KANK1: variants seen among roughly 807,000 people sequenced by gnomAD.
KANK1 encodes KN motif and ankyrin repeat domains 1.
KANK1 carries 109 observed loss-of-function variants against 106.2 expected under a neutral mutation model. That is an observed-to-expected ratio of 1.03 (90% confidence interval 0.88 to 1.20). KANK1 has a LOEUF of 1.20. Among genes scored for constraint, KANK1 ranks in the 50% most tolerant of loss-of-function variants. KANK1 has a pLI of 0.00. For synonymous variants in KANK1, 873 were observed against 652.2 expected, an observed-to-expected ratio of 1.34 and a Z score of -5.16; for missense variants, 2,399 against 1,710.7, an observed-to-expected ratio of 1.40 and a Z score of -7.10.
intron 10 of KANK1, 94 bp from the exon 11 acceptor site, chr9:744,397 G>A: frequency 7.1e-7 from 1 of 1,412,676 alleles, no homozygotes. Context: ...GGGGAACCTT[G>A]CCAATTATTG....
chr9:639,515 C>T (rs887683703), intron 1 of KANK1, among the ~76,000 whole-genome samples: 1 of 151,980 alleles, frequency 6.6e-6, no homozygotes, highest in Admixed American at 6.6e-5. Context: ...CAGGGTTTCA[C>T]CATGTTGGCC....
rs144580853 is a variant in KANK1 at position 712,123 on chromosome 9, A to G, written c.1357A>G (p.Lys453Glu). The G allele has an allele frequency of 1.3e-4, 209 of 1,614,038 alleles. No homozygotes were observed. Among genetic ancestry groups the G allele is most frequent in the Middle Eastern group, 3.3e-4 (2 of 6,084 alleles). ...AMLGVMTEADKEIELQQQTIE... is the reference protein window; with the variant it reads ...AMLGVMTEADEEIELQQQTIE... ...GCTTGGAGTGATGACTGAAGCTGAC[A>G]AAGAAATTGAGCTGCAACAGCAGAC... The change falls in exon 3 of 12, where the codon AAA (lysine) becomes GAA (glutamate). Residue 453 changes from lysine (K) to glutamate (E), a missense_variant. Physicochemically the swap from Lys to Glu is moderately conservative, Grantham distance 56 (BLOSUM62 1). Coordinates refer to ENST00000382297, the MANE Select transcript of KANK1 (RefSeq NM_015158.5).
intron 1 of KANK1, among the ~76,000 whole-genome samples, chr9:525,302 GCTT>G (rs2059738105): frequency 6.6e-6 from 1 of 150,848 alleles, no homozygotes; most frequent in African/African-American, 2.5e-5. Flanking sequence ...GCCAACTCTT[GCTT>G]CTTAAACCCA....
At chr9:539,104 C>T (rs2060453778) in intron 1 of KANK1, among the ~76,000 whole-genome samples, 1 of 152,186 alleles carries the variant, frequency 6.6e-6, no homozygotes, top group Non-Finnish European at 1.5e-5. Flanking sequence ...TGGTCTTGAA[C>T]TCCTGGCCTC....
chr9:518,424 G>GT (rs1411513650), intron 1 of KANK1, among the ~76,000 whole-genome samples: 1 of 144,544 alleles, frequency 6.9e-6, no homozygotes, highest in Non-Finnish European at 1.6e-5. Flanking sequence ...TTACTTTACC[G>GT]TTTCTTCCTG....
chr9:742,748 G>C (rs1564142150), intron 10 of KANK1, among the ~76,000 whole-genome samples: 1 of 152,148 alleles, frequency 6.6e-6, no homozygotes, highest in Non-Finnish European at 1.5e-5. Context: ...GGTGACTTCT[G>C]ACAGGTGCAC....
chr9:738,335 G>T lies in KANK1; in HGVS notation c.3384G>T (p.Gln1128His). ...ACGAGTGGTTCCGCGTGTCCAGTCA[G>T]AAGTCAGCCATTCCAGCCATGGTGG... ...LQHEWFRVSSQKSAIPAMVGD... is the reference protein window; with the variant it reads ...LQHEWFRVSSHKSAIPAMVGD... The change falls in exon 8 of 12, where the codon CAG (glutamine) becomes CAT (histidine). Residue 1128 changes from glutamine (Q) to histidine (H), a missense_variant. By Grantham distance (24) the Gln-to-His change is conservative. Transcript: ENST00000382297. 1 of 1,614,144 alleles carries T rather than the reference G, an allele frequency of 6.2e-7. No homozygotes were observed. The highest frequency in any genetic ancestry group is 8.5e-7 in the Non-Finnish European group (1 of 1,180,024).
intron 1 of KANK1, among the ~76,000 whole-genome samples, chr9:553,664 A>G (rs756404096): frequency 6.6e-5 from 10 of 152,248 alleles, no homozygotes; most frequent in Non-Finnish European, 1.2e-4. Context: ...ATTTTGTTCC[A>G]GAGATGAAGT....
chr9:732,869 G>C (rs1196935698), intron 6 of KANK1: 3 of 319,276 alleles, frequency 9.4e-6, no homozygotes, highest in Non-Finnish European at 1.7e-5. Context: ...TTTAACATAT[G>C]GAACCACAAT....
chr9:580,691 G>T (rs1401006823), intron 1 of KANK1, among the ~76,000 whole-genome samples: 1 of 152,264 alleles, frequency 6.6e-6, no homozygotes, highest in Non-Finnish European at 1.5e-5. Flanking sequence ...CTAGACTCAG[G>T]AGTCCAGCTG....
chr9:642,630 T>C (rs1040935311), intron 1 of KANK1, among the ~76,000 whole-genome samples: 1 of 150,876 alleles, frequency 6.6e-6, no homozygotes, highest in Non-Finnish European at 1.5e-5. Flanking sequence ...AAAATTCCCC[T>C]CCTTTGAGTG....
At chr9:741,839 G>C (rs763199004) in intron 9 of KANK1, among the ~76,000 whole-genome samples, 1 of 150,964 alleles carries the variant, frequency 6.6e-6, no homozygotes, top group Non-Finnish European at 1.5e-5. Context: ...AGCTGCTCTT[G>C]AACTCCTGAG....
At chr9:728,961 G>A (rs938522449) in intron 3 of KANK1, among the ~76,000 whole-genome samples, 1 of 152,182 alleles carries the variant, frequency 6.6e-6, no homozygotes, top group African/African-American at 2.4e-5. Flanking sequence ...CCACTAAAAT[G>A]TATAAAATTA....
intron 1 of KANK1, among the ~76,000 whole-genome samples, chr9:569,444 A>G (rs1047092955): frequency 6.6e-6 from 1 of 151,988 alleles, no homozygotes; most frequent in African/African-American, 2.4e-5. Flanking sequence ...TAAGAAGAGG[A>G]AGGGACCTGA....
At chr9:528,139 G>GAAAAA (rs77736906) in intron 1 of KANK1, among the ~76,000 whole-genome samples, 2 of 125,864 alleles carry the variant, frequency 1.6e-5, no homozygotes, top group Non-Finnish European at 3.4e-5. Context: ...TCCGTCTCGG[G>GAAAAA]AAAAAAAAAA....
At chr9:498,673 C>T (rs936435373) in intron 3 of KANK1, among the ~76,000 whole-genome samples, 4 of 152,088 alleles carry the variant, frequency 2.6e-5, no homozygotes, top group East Asian at 3.8e-4. Context: ...ATGGCCAATA[C>T]GAATTCTCAA....
rs1407580211 is a variant in KANK1 at position 529,342 on chromosome 9, G to T, written c.-84+24588G>T. 2.7e-5 allele frequency among the ~76,000 whole-genome samples: 4 copies of T among 150,524 alleles called. No individual in the cohort carries two copies. The East Asian group carries it at 5.9e-4, about 22-fold the overall frequency. The stretch of plus-strand genomic sequence containing the variant: ...TCTTGCTCTGTCGCCAGGCTGGAGT[G>T]CAATGGCGCCACCATGCCCAGCTAA... On this transcript the variant is annotated intron_variant, in intron 1 of 11. Transcript: ENST00000382297.
intron 1 of KANK1, among the ~76,000 whole-genome samples, chr9:538,460 T>C (rs1028058836): frequency 2.0e-5 from 3 of 152,220 alleles, no homozygotes; most frequent in African/African-American, 4.8e-5. Context: ...TACTCCATGA[T>C]TGACAAAACA....
rs568769402 is a variant in KANK1 at position 607,898 on chromosome 9, C to A, written c.-83-68992C>A. 9.2e-5 allele frequency among the ~76,000 whole-genome samples: 14 copies of A among 151,402 alleles called. No homozygotes were observed. The South Asian group carries it at 2.5e-3, about 27-fold the overall frequency. On this transcript the variant is annotated intron_variant, in intron 1 of 11. Transcript: ENST00000382297. Reference sequence around the variant, plus strand: ...TCCTTTCATGTTCTTGGTACCTTTACCTGGTTGTATTGTAATGTTCATTTT... The same window carrying A: ...TCCTTTCATGTTCTTGGTACCTTTAACTGGTTGTATTGTAATGTTCATTTT...
Sources: gnomAD v4.1 joint callset for allele counts (sites outside exome capture counted in the v4.1 genomes callset) on GRCh38, gnomAD v4.1.1 for gene constraint, MANE v1.5 for transcripts, NCBI Gene and HGNC (gene_info 2026-07-23, HGNC 2026-07-21) for gene names.